The following MYOM1 variants were observed in gnomAD, a reference collection of about 807,000 sequenced individuals.
The protein encoded by MYOM1 is myomesin-1.
In MYOM1, 164 loss-of-function variants were observed where a neutral mutation model predicts 205.3. The ratio of observed to expected loss-of-function variants is 0.80; its 90% confidence interval spans 0.70 to 0.91. The LOEUF is 0.91. Ranked by LOEUF, MYOM1 falls within the 40% of genes least tolerant of loss-of-function variation. MYOM1 has a pLI of 0.00. For synonymous variants in MYOM1, 772 were observed against 789.4 expected, an observed-to-expected ratio of 0.98 and a Z score of 0.37; for missense variants, 2,011 against 2,127.3, an observed-to-expected ratio of 0.95 and a Z score of 1.08.
chr18:3,126,378 A>G (rs1158711500), intron 19 of MYOM1, among the ~76,000 whole-genome samples: 2 of 149,558 alleles, frequency 1.3e-5, no homozygotes, highest in Non-Finnish European at 3.0e-5. Context: ...GGGACTCTTG[A>G]GGCTAGTGGC....
At chr18:3,081,374 G>A (rs1034696395) in intron 33 of MYOM1, among the ~76,000 whole-genome samples, 1 of 152,194 alleles carries the variant, frequency 6.6e-6, no homozygotes, top group Non-Finnish European at 1.5e-5. Flanking sequence ...ACTAAAATCC[G>A]TTTCAAGGGT....
chr18:3,121,086 A>C (rs981226145), intron 19 of MYOM1, among the ~76,000 whole-genome samples: 12 of 152,234 alleles, frequency 7.9e-5, no homozygotes, highest in African/African-American at 2.9e-4. Flanking sequence ...ATGATGTGGA[A>C]AGACTCAAAA....
intron 22 of MYOM1, among the ~76,000 whole-genome samples, chr18:3,111,488 T>C (rs1004083919): frequency 6.6e-6 from 1 of 152,142 alleles, no homozygotes; most frequent in African/African-American, 2.4e-5. Context: ...CACTGTTAGT[T>C]TAGCCCAGGG....
chr18:3,067,857 C>T (rs1466412795), intron 37 of MYOM1, among the ~76,000 whole-genome samples: 2 of 152,128 alleles, frequency 1.3e-5, no homozygotes, highest in Non-Finnish European at 2.9e-5. Context: ...TTTTCACTTT[C>T]TCTTTCATAA....
At chr18:3,214,542 G>T (rs1567972129) in intron 2 of MYOM1, among the ~76,000 whole-genome samples, 1 of 152,222 alleles carries the variant, frequency 6.6e-6, no homozygotes, top group Admixed American at 6.5e-5. Flanking sequence ...AACTGGGAGA[G>T]GCTGGGCACG....
At chr18:3,238,421 C>A in the MYOM1 span, among the ~76,000 whole-genome samples, 2 of 150,958 alleles carry the variant, frequency 1.3e-5, no homozygotes, top group African/African-American at 2.4e-5. Context: ...CTGAGCTATA[C>A]AATAAACATG....
rs1434199290 is a variant in MYOM1 at position 3,199,944 on chromosome 18, A to G, written c.291-5986T>C. ...TACTGTCTTGAGCTGTTTGGGCACA[A>G]TGTCTGACCACCATTAATCTATGCA... On this transcript the variant is annotated intron_variant, in intron 2 of 37. Transcript: ENST00000356443. Among the ~76,000 whole-genome samples, 8 of 144,636 alleles carry G rather than the reference A, an allele frequency of 5.5e-5. No homozygotes were observed. The East Asian group carries it at 1.6e-3, about 30-fold the overall frequency. The allele number at this position is 144,636 out of a possible 152,430, so 94.9% of individuals were successfully genotyped here.
chr18:3,163,456 T>G (rs999884665), intron 10 of MYOM1, among the ~76,000 whole-genome samples: 2 of 152,170 alleles, frequency 1.3e-5, no homozygotes, highest in Non-Finnish European at 2.9e-5. Flanking sequence ...CTACTTTTTT[T>G]TTTGTTTTTC....
intron 5 of MYOM1, among the ~76,000 whole-genome samples, chr18:3,176,843 C>T (rs1238587836): frequency 6.6e-6 from 1 of 151,980 alleles, no homozygotes; most frequent in South Asian, 2.1e-4. Context: ...GATTGTGCCA[C>T]TGCACTCCAG....
At chr18:3,229,830 G>C in the MYOM1 span, among the ~76,000 whole-genome samples, 1 of 152,004 alleles carries the variant, frequency 6.6e-6, no homozygotes, top group African/African-American at 2.4e-5. Context: ...TTAGCCAGGC[G>C]TGGTGGTGCA....
chr18:3,123,426 C>T (rs1307695837), intron 19 of MYOM1, among the ~76,000 whole-genome samples: 1 of 151,732 alleles, frequency 6.6e-6, no homozygotes, highest in Non-Finnish European at 1.5e-5. Flanking sequence ...TAATAAATAA[C>T]AAATGATATA....
chr18:3,071,724 G>T, intron 37 of MYOM1, 110 bp downstream of exon 37: 1 of 1,044,604 alleles, frequency 9.6e-7, no homozygotes, highest in Non-Finnish European at 1.4e-6. Flanking sequence ...TATGGAGTAC[G>T]ATGAAGGTGG....
Position 3,140,681 on chromosome 18 carries a change from C to T in MYOM1, c.2025+1258G>A, listed in dbSNP as rs185505554. 5.3e-5 allele frequency among the ~76,000 whole-genome samples: 8 copies of T among 152,194 alleles called. No homozygotes were observed. In the East Asian group the frequency reaches 1.4e-3, roughly 26 times the overall value. ...CACCTACATACCTATGAAATGTATT[C>T]TCTTGCAATAATTATCAGGGAAGGT... On this transcript the variant is annotated intron_variant, in intron 14 of 37. Coordinates refer to ENST00000356443, the MANE Select transcript of MYOM1 (RefSeq NM_003803.4).
chr18:3,224,178 G>A (rs1017192064), upstream of MYOM1, among the ~76,000 whole-genome samples: 11 of 151,982 alleles, frequency 7.2e-5, 1 homozygote, highest in South Asian at 4.1e-4. Context: ...ACAGGCGCCC[G>A]CCTTGTCACC....
intron 2 of MYOM1, among the ~76,000 whole-genome samples, chr18:3,195,020 T>C (rs1182446258): frequency 1.3e-5 from 2 of 151,972 alleles, no homozygotes; most frequent in Admixed American, 6.6e-5. Flanking sequence ...CCAGTTGAAA[T>C]AGAAAAACCT....
chr18:3,174,856 G>A (rs979867077), intron 6 of MYOM1, among the ~76,000 whole-genome samples: 10 of 152,290 alleles, frequency 6.6e-5, no homozygotes, highest in African/African-American at 2.4e-4. Flanking sequence ...CACACAAGAA[G>A]CGCCATTTGG....
At chr18:3,143,196 T>G in intron 13 of MYOM1, among the ~76,000 whole-genome samples, 1 of 152,276 alleles carries the variant, frequency 6.6e-6, no homozygotes, top group Admixed American at 6.5e-5. Context: ...GCAATCATTC[T>G]TGTAGTGTAG....
Position 3,215,041 on chromosome 18 carries a change from G to A in MYOM1, c.183C>T (p.Phe61=), listed in dbSNP as rs2081245076. ...SAAHRRESEA[F]RRASASSSQQ... ...GGGAGGAGGAGGCGGACGCCCGACG[G>A]AAGGCCTCGGACTCCCGGCGGTGCG... Residue 61 remains phenylalanine, a synonymous_variant, in exon 2 of 38, where the codon TTC becomes TTT. Coordinates refer to ENST00000356443, the MANE Select transcript of MYOM1 (RefSeq NM_003803.4). The A allele has an allele frequency of 6.2e-7, 1 of 1,612,992 alleles. No homozygotes were observed.
At chr18:3,078,799 A>T (rs532576834) in intron 34 of MYOM1, among the ~76,000 whole-genome samples, 1 of 151,564 alleles carries the variant, frequency 6.6e-6, no homozygotes, top group Non-Finnish European at 1.5e-5. Context: ...ATGGTCCAGT[A>T]TTTTTTTTGA....
Sources: allele counts gnomAD v4.1 joint callset (sites outside exome capture counted in the v4.1 genomes callset), GRCh38; gene constraint gnomAD v4.1.1; transcripts MANE v1.5; gene names NCBI Gene and HGNC (gene_info 2026-07-23, HGNC 2026-07-21).